The following CNTNAP5 variants were observed in gnomAD, a reference collection of about 807,000 sequenced individuals.
CNTNAP5 encodes contactin associated protein family member 5.
CNTNAP5 carries 72 observed loss-of-function variants against 150.2 expected under a neutral mutation model. That is an observed-to-expected ratio of 0.48 (90% CI 0.40 to 0.58). CNTNAP5 has a LOEUF of 0.58. Ranked by LOEUF, CNTNAP5 falls within the 20% of genes least tolerant of loss-of-function variation. CNTNAP5 has a pLI of 0.00. For missense variants in CNTNAP5, 1,636 were observed against 1,626.2 expected (o/e 1.01, Z -0.10); for synonymous variants, 672 against 619.8 (o/e 1.08, Z -1.25).
intron 13 of CNTNAP5, among the ~76,000 whole-genome samples, chr2:124,729,699 T>C (rs1468563653): frequency 6.6e-6 from 1 of 152,068 alleles, no homozygotes; most frequent in Non-Finnish European, 1.5e-5. Flanking sequence ...ATATGATAGT[T>C]GTTACTCAAA....
chr2:124,846,804 G>T (rs2104698982), intron 19 of CNTNAP5, among the ~76,000 whole-genome samples: 1 of 152,282 alleles, frequency 6.6e-6, no homozygotes, highest in East Asian at 1.9e-4. Context: ...TAGGAATGGG[G>T]CTTACTGAGA....
In CNTNAP5 at chr2:124,572,250, G is replaced by A. The variant is rs931149985; in HGVS notation, c.1756+8927G>A. ...TTCTGGGAGGGAGAGATCTGAGCAG[G>A]CTGAACTGGATGTGAGAAAGTCTTC... On this transcript the variant is annotated intron_variant, in intron 11 of 23. Coordinates refer to ENST00000682447, the MANE Select transcript of CNTNAP5 (RefSeq NM_001367498.1). Among the ~76,000 whole-genome samples the A allele has an allele frequency of 5.9e-5, 9 of 152,036 alleles. 1 individual carries two copies. Among genetic ancestry groups the A allele is most frequent in the Non-Finnish European group, 8.8e-5 (6 of 68,008 alleles).
At chr2:124,132,436 A>G (rs1272144057) in intron 1 of CNTNAP5, among the ~76,000 whole-genome samples, 1 of 152,158 alleles carries the variant, frequency 6.6e-6, no homozygotes, top group Non-Finnish European at 1.5e-5. Flanking sequence ...ATATGGTATT[A>G]TGGTGGTTTC....
intron 19 of CNTNAP5, among the ~76,000 whole-genome samples, chr2:124,802,391 TA>T (rs1351481827): frequency 1.3e-5 from 2 of 152,238 alleles, no homozygotes; most frequent in Non-Finnish European, 2.9e-5. Context: ...TCATTCTGGT[TA>T]AACTGCTGCT....
chr2:124,091,835 T>C (rs947022914), intron 1 of CNTNAP5, among the ~76,000 whole-genome samples: 4 of 152,158 alleles, frequency 2.6e-5, no homozygotes, highest in Admixed American at 1.3e-4. Flanking sequence ...GAGCTGTCGG[T>C]GCCTGTGATA....
intron 3 of CNTNAP5, among the ~76,000 whole-genome samples, chr2:124,319,035 C>T (rs17724018): frequency 0.067 from 10,263 of 152,264 alleles, 421 homozygotes; most frequent in South Asian, 0.13. Flanking sequence ...ATCTGTCTCC[C>T]TTCCTGCTCT....
intron 11 of CNTNAP5, among the ~76,000 whole-genome samples, chr2:124,599,282 A>G (rs528717493): frequency 1.3e-5 from 2 of 152,074 alleles, no homozygotes; most frequent in Non-Finnish European, 2.9e-5. Flanking sequence ...TCAATACCAC[A>G]TGTAATTTTT....
chr2:124,073,302 A>G (rs1222315027), intron 1 of CNTNAP5, among the ~76,000 whole-genome samples: 1 of 152,156 alleles, frequency 6.6e-6, no homozygotes, highest in Non-Finnish European at 1.5e-5. Context: ...TGGTCTGGGC[A>G]AAGATTTCTA....
intron 20 of CNTNAP5, among the ~76,000 whole-genome samples, chr2:124,866,806 TCTGTTCTC>T (rs746932699): frequency 6.6e-6 from 1 of 152,132 alleles, no homozygotes; most frequent in Non-Finnish European, 1.5e-5. Context: ...TGTTTTTTAA[TCTGTTCTC>T]CTGTTCTCCT....
chr2:124,069,803 T>A (rs536431319), intron 1 of CNTNAP5, among the ~76,000 whole-genome samples: 169 of 152,090 alleles, frequency 1.1e-3, no homozygotes, highest in Non-Finnish European at 2.0e-3. Context: ...AGTTCCTCAA[T>A]CTGAAAGAAA....
chr2:124,461,822 T>C (rs1368125900), intron 6 of CNTNAP5, among the ~76,000 whole-genome samples: 6 of 149,200 alleles, frequency 4.0e-5, no homozygotes, highest in African/African-American at 1.5e-4. Flanking sequence ...GATTGCACCA[T>C]TGCACTCCAG....
intron 12 of CNTNAP5, among the ~76,000 whole-genome samples, chr2:124,646,690 T>A (rs1350925556): frequency 6.6e-6 from 1 of 152,236 alleles, no homozygotes; most frequent in African/African-American, 2.4e-5. Context: ...ACATCCCAGA[T>A]AGAGCCTTGC....
At chr2:124,149,334 G>A (rs1452877915) in intron 1 of CNTNAP5, among the ~76,000 whole-genome samples, 1 of 140,010 alleles carries the variant, frequency 7.1e-6, no homozygotes, top group East Asian at 2.2e-4. Flanking sequence ...ACAAAAAAAG[G>A]ATCACTAGAT....
intron 10 of CNTNAP5, among the ~76,000 whole-genome samples, chr2:124,562,762 T>C (rs1177704374): frequency 6.6e-6 from 1 of 152,236 alleles, no homozygotes; most frequent in Admixed American, 6.5e-5. Flanking sequence ...TTGTGCAGTT[T>C]AAAATAGATA....
intron 13 of CNTNAP5, among the ~76,000 whole-genome samples, chr2:124,662,164 T>C (rs1678606078): frequency 6.6e-6 from 1 of 152,222 alleles, no homozygotes; most frequent in Non-Finnish European, 1.5e-5. Flanking sequence ...GAACTCATCC[T>C]TTTTTATGGC....
rs563388689 is a variant in CNTNAP5, at chr2:124,739,234, G to A, written c.2078-7995G>A. Among the ~76,000 whole-genome samples, 153 of 152,134 alleles carry A rather than the reference G, an allele frequency of 1.0e-3. 1 individual carries two copies. The highest frequency in any genetic ancestry group is 2.6e-3 in the African/African-American group (109 of 41,514). On this transcript the variant is annotated intron_variant, in intron 13 of 23. Coordinates refer to ENST00000682447, the MANE Select transcript of CNTNAP5 (RefSeq NM_001367498.1). The stretch of plus-strand genomic sequence containing the variant: ...TAAAAATGTTAATTCCTAATGTCAC[G>A]GACTAGCCCTTAATCACACTATTAG...
At chr2:124,160,400 A>C (rs1334520091) in intron 1 of CNTNAP5, among the ~76,000 whole-genome samples, 1 of 152,074 alleles carries the variant, frequency 6.6e-6, no homozygotes, top group Non-Finnish European at 1.5e-5. Flanking sequence ...TGGTGGAAAG[A>C]AATGGGATAA....
chr2:124,655,953 A>G (rs1400227993), intron 13 of CNTNAP5, among the ~76,000 whole-genome samples: 3 of 128,390 alleles, frequency 2.3e-5, no homozygotes, highest in Admixed American at 7.7e-5. Flanking sequence ...GAGAGAAAGA[A>G]AGAAAGAAAG....
chr2:124,884,286 T>A (rs980125149), intron 21 of CNTNAP5, among the ~76,000 whole-genome samples: 1 of 152,068 alleles, frequency 6.6e-6, no homozygotes, highest in African/African-American at 2.4e-5. Flanking sequence ...TGTACATGCA[T>A]GTCTCTGTGT....
Sources: gnomAD v4.1 joint callset for allele counts (sites outside exome capture counted in the v4.1 genomes callset) on GRCh38, gnomAD v4.1.1 for gene constraint, MANE v1.5 for transcripts, NCBI Gene and HGNC (gene_info 2026-07-23, HGNC 2026-07-21) for gene names.